The following TECRL variants were observed in gnomAD, a reference collection of about 807,000 sequenced individuals.
TECRL encodes the protein trans-2,3-enoyl-CoA reductase-like.
In TECRL, 63 loss-of-function variants were observed where a neutral mutation model predicts 52.8. The ratio of observed to expected loss-of-function variants is 1.19; its 90% CI spans 0.97 to 1.47. The LOEUF (loss-of-function observed/expected upper bound fraction) is 1.47. Among genes scored for constraint, TECRL ranks in the 40% most tolerant of loss-of-function variants. The pLI is 0.00. For missense variants in TECRL, 482 were observed against 429.6 expected (o/e 1.12, Z -1.08); for synonymous variants, 164 against 141.9 (o/e 1.16, Z -1.10).
chr4:64,337,192 T>C lies in TECRL; in HGVS notation c.287-8636A>G, dbSNP rs184139508. On this transcript the variant is annotated intron_variant, in intron 2 of 11. Transcript: ENST00000381210. ...GACAAAAACCACATGATTATCTCAATAGATACAGAAAAGGCCTTTGACAAA... is the reference window on the plus strand; with the variant it reads ...GACAAAAACCACATGATTATCTCAACAGATACAGAAAAGGCCTTTGACAAA... Among the ~76,000 whole-genome samples the C allele has an allele frequency of 3.7e-4, 56 of 152,280 alleles. 1 individual carries two copies. Among genetic ancestry groups the C allele is most frequent in the Admixed American group, 2.1e-3 (32 of 15,294 alleles).
chr4:64,313,476 CTTTTTTTTTTTT>C (rs565143298), intron 5 of TECRL, among the ~76,000 whole-genome samples: 1 of 66,320 alleles, frequency 1.5e-5, no homozygotes, highest in Non-Finnish European at 2.8e-5. Context: ...TGCCTTACTC[CTTTTTTTTTTTT>C]TTTTTTTTTT....
chr4:64,386,865 T>C (rs906695512), intron 1 of TECRL, among the ~76,000 whole-genome samples: 2 of 152,076 alleles, frequency 1.3e-5, no homozygotes, highest in Admixed American at 1.3e-4. Flanking sequence ...ATGCATAGCA[T>C]CCCCTATTAT....
chr4:64,297,273 C>T (rs1166801877), intron 8 of TECRL, among the ~76,000 whole-genome samples: 2 of 151,294 alleles, frequency 1.3e-5, no homozygotes, highest in Non-Finnish European at 3.0e-5. Context: ...TTAACTACAA[C>T]TCTATTCAAC....
chr4:64,328,685 A>G (rs1328618592), intron 2 of TECRL, 129 bp from the exon 3 acceptor site: 1 of 718,146 alleles, frequency 1.4e-6, no homozygotes, highest in Non-Finnish European at 2.4e-6. Flanking sequence ...TGTCAGAAAT[A>G]GAAATAGTGG....
intron 1 of TECRL, among the ~76,000 whole-genome samples, chr4:64,379,632 T>C (rs1322193930): frequency 2.6e-5 from 4 of 152,150 alleles, no homozygotes; most frequent in Non-Finnish European, 5.9e-5. Flanking sequence ...TCTTCATTCC[T>C]TCACTGTTGT....
intron 1 of TECRL, among the ~76,000 whole-genome samples, chr4:64,402,725 A>G (rs1415978673): frequency 6.6e-6 from 1 of 152,136 alleles, no homozygotes; most frequent in African/African-American, 2.4e-5. Context: ...GAGAAGAGCT[A>G]GAAAGTAATC....
chr4:64,278,714 A>G lies in TECRL; in HGVS notation c.*1358T>C, dbSNP rs1037114698. 14 of 152,078 alleles carry G rather than the reference A, an allele frequency of 9.2e-5. No homozygotes were observed. The highest frequency in any genetic ancestry group is 3.4e-4 in the African/African-American group (14 of 41,422). 9.4% of individuals were successfully genotyped at this position (152,078 alleles called of 1,614,324 possible). A position where few individuals can be genotyped will look rare whatever the true frequency, so the allele number is the denominator to read the frequency against. On this transcript the variant is annotated 3_prime_UTR_variant, in exon 12 of 12. Transcript: ENST00000381210. ...TAGAACACCAGAAATTATTCCTCCTACCAAGCTGTAACTTTGTATCCTTTA... is the reference window on the plus strand; with the variant it reads ...TAGAACACCAGAAATTATTCCTCCTGCCAAGCTGTAACTTTGTATCCTTTA...
intron 1 of TECRL, among the ~76,000 whole-genome samples, chr4:64,384,603 G>A (rs1340759176): frequency 2.6e-5 from 4 of 152,096 alleles, no homozygotes; most frequent in African/African-American, 9.7e-5. Context: ...TGGTGGTAGT[G>A]GATGGAGGGG....
At chr4:64,319,743 A>G (rs1209085105) in intron 4 of TECRL, among the ~76,000 whole-genome samples, 1 of 151,934 alleles carries the variant, frequency 6.6e-6, no homozygotes, top group Admixed American at 6.6e-5. Context: ...CATTACATCC[A>G]TATAACTGAA....
chr4:64,403,475 G>GCGCGCACACACACA (rs59253067), intron 1 of TECRL, among the ~76,000 whole-genome samples: 245 of 148,340 alleles, frequency 1.7e-3, no homozygotes, highest in African/African-American at 5.8e-3. Context: ...CTCCCTGAGC[G>GCGCGCACACACACA]CACACACACA....
intron 2 of TECRL, among the ~76,000 whole-genome samples, chr4:64,351,570 G>A (rs901554662): frequency 3.3e-5 from 5 of 152,058 alleles, no homozygotes; most frequent in African/African-American, 1.2e-4. Context: ...ACTGTGCCCA[G>A]CCAAAGGGAC....
chr4:64,376,080 TTAAA>T, intron 1 of TECRL, among the ~76,000 whole-genome samples: 1 of 151,984 alleles, frequency 6.6e-6, no homozygotes, highest in South Asian at 2.1e-4. Flanking sequence ...TTTGAAAGGG[TTAAA>T]TAAAAAATGC....
At chr4:64,381,778 G>A (rs1722812036) in intron 1 of TECRL, among the ~76,000 whole-genome samples, 1 of 151,942 alleles carries the variant, frequency 6.6e-6, no homozygotes, top group Non-Finnish European at 1.5e-5. Flanking sequence ...TTGATGTGTT[G>A]TAAGATTTTA....
intron 2 of TECRL, among the ~76,000 whole-genome samples, chr4:64,363,503 G>A (rs180975603): frequency 5.1e-4 from 78 of 152,190 alleles, no homozygotes; most frequent in Admixed American, 8.5e-4. Context: ...AACCTGACGT[G>A]TCCACCCTAC....
intron 7 of TECRL, among the ~76,000 whole-genome samples, chr4:64,300,366 T>C (rs1560480939): frequency 6.6e-6 from 1 of 150,918 alleles, no homozygotes; most frequent in Non-Finnish European, 1.5e-5. Context: ...ATTTTTAATG[T>C]TTAACAATAA....
chr4:64,348,074 G>A (rs920044068), intron 2 of TECRL, among the ~76,000 whole-genome samples: 1 of 152,040 alleles, frequency 6.6e-6, no homozygotes, highest in Admixed American at 6.6e-5. Flanking sequence ...CCCACTCCGG[G>A]TACCAATTTA....
Position 64,299,980 on chromosome 4 carries a change from A to G in TECRL, c.768T>C (p.Asn256=). Residue 256 remains asparagine, a synonymous_variant, in exon 8 of 12, where the codon AAT becomes AAC. Transcript: ENST00000381210. ...GNRQITVSAI[N]FLICEAGNHF... ...ATATATATATGATACATACCAGAAA[A>G]TTGATAGCAGATACTGTGATTTGCC... is the stretch of plus-strand genomic sequence containing the variant. The G allele has an allele frequency of 6.3e-7, 1 of 1,577,996 alleles. No homozygotes were observed.
At chr4:64,348,303 A>G (rs1380600718) in intron 2 of TECRL, among the ~76,000 whole-genome samples, 1 of 152,160 alleles carries the variant, frequency 6.6e-6, no homozygotes, top group African/African-American at 2.4e-5. Context: ...TTATGAAACC[A>G]TCAGATCTTG....
chr4:64,307,815 G>T (rs1276433081), intron 6 of TECRL, among the ~76,000 whole-genome samples: 5 of 152,170 alleles, frequency 3.3e-5, no homozygotes, highest in African/African-American at 1.2e-4. Context: ...AAGCAGTAAA[G>T]AAATTTGGAT....
Sources: gnomAD v4.1 joint callset for allele counts (sites outside exome capture counted in the v4.1 genomes callset) on GRCh38, gnomAD v4.1.1 for gene constraint, MANE v1.5 for transcripts, NCBI Gene and HGNC (gene_info 2026-07-23, HGNC 2026-07-21) for gene names.